Variants in ADAM28 observed in about 807,000 individuals in gnomAD.
ADAM28 encodes the protein disintegrin and metalloproteinase domain-containing protein 28.
ADAM28 carries 105 observed loss-of-function variants against 101.2 expected under a neutral mutation model. The ratio of observed to expected loss-of-function variants is 1.04; its 90% CI spans 0.89 to 1.22. ADAM28 has a LOEUF of 1.22. Ranked by LOEUF, ADAM28 falls within the 50% of genes most tolerant of loss-of-function variation. The pLI, the probability that ADAM28 is intolerant of heterozygous loss-of-function variation, is 0.00. For missense variants in ADAM28, 1,028 were observed against 945.4 expected (o/e 1.09, Z -1.15); for synonymous variants, 322 against 310.6 (o/e 1.04, Z -0.39).
intron 2 of ADAM28, among the ~76,000 whole-genome samples, chr8:24,301,493 G>C (rs773013608): frequency 1.1e-4 from 16 of 151,940 alleles, no homozygotes; most frequent in Non-Finnish European, 2.2e-4. Flanking sequence ...AAAAAAATAA[G>C]GATTTTTAAT....
intron 12 of ADAM28, 121 bp downstream of exon 12, chr8:24,331,448 C>A: frequency 1.0e-6 from 1 of 961,238 alleles, no homozygotes. Flanking sequence ...TTGGGTACGC[C>A]CATTTGTAGG....
chr8:24,345,589 T>G (rs1815312091), intron 18 of ADAM28, among the ~76,000 whole-genome samples: 1 of 152,044 alleles, frequency 6.6e-6, no homozygotes, highest in African/African-American at 2.4e-5. Flanking sequence ...CAGTCTATAT[T>G]TTAATTGCAT....
At chr8:24,336,981 A>C (rs1022505500) in intron 14 of ADAM28, among the ~76,000 whole-genome samples, 5 of 152,210 alleles carry the variant, frequency 3.3e-5, no homozygotes, top group Non-Finnish European at 7.3e-5. Context: ...GAAACTTTTC[A>C]TAATTCCTGA....
intron 10 of ADAM28, among the ~76,000 whole-genome samples, chr8:24,326,956 G>A (rs570092588): frequency 7.9e-5 from 12 of 152,126 alleles, no homozygotes; most frequent in African/African-American, 2.9e-4. Context: ...ATGGGCAAAA[G>A]CTAGAAGCAT....
At chr8:24,300,165 G>T in intron 2 of ADAM28, 88 bp downstream of exon 2, 1 of 1,092,504 alleles carries the variant, frequency 9.2e-7, no homozygotes. Flanking sequence ...AGATAGATAT[G>T]GGATTTATAC....
In ADAM28 at chr8:24,310,192, C is replaced by T; in HGVS notation, c.257C>T (p.Thr86Ile). Residue 86 changes from threonine (T) to isoleucine (I), a missense_variant, in exon 4 of 23, where the codon ACA becomes ATA. By Grantham distance (89) the Thr-to-Ile change is moderately conservative. Transcript: ENST00000265769. ...CTCCTTGCACCAGGCTACACGGAAA[C>T]ATATTATAATTCCACTGGAAAGGAG... ...KNLLAPGYTE[T>I]YYNSTGKEIT... 2 of 1,613,448 alleles carry T rather than the reference C, an allele frequency of 1.2e-6. No homozygotes were observed. The highest frequency in any genetic ancestry group is 1.7e-5 in the Admixed American group (1 of 59,912).
At chr8:24,351,638 A>G in intron 20 of ADAM28, 1 of 471,864 alleles carries the variant, frequency 2.1e-6, no homozygotes, top group Admixed American at 3.6e-5. Flanking sequence ...GCAAATTGAC[A>G]AAATAGATAC....
chr8:24,354,394 CA>C lies in ADAM28; in HGVS notation c.2322del (p.Ala775HisfsTer48). The C allele has an allele frequency of 1.2e-6, 2 of 1,600,404 alleles. No individual in the cohort carries two copies. The highest frequency in any genetic ancestry group is 1.1e-5 in the South Asian group (1 of 88,678). On this transcript the variant is annotated frameshift_variant, in exon 23 of 23. Coordinates refer to ENST00000265769, the MANE Select transcript of ADAM28 (RefSeq NM_014265.6). LOFTEE classifies it high-confidence loss of function. ...NPVSTPKDSN[P>X]KA Reference sequence around the variant, plus strand: ...TTATGTCTTTTTTAGGACTCAAATCCAAAAGCATGAAGCAACAGCTAAGCAA... The same window carrying C: ...TTATGTCTTTTTTAGGACTCAAATCCAAAGCATGAAGCAACAGCTAAGCAA...
chr8:24,313,093 A>C (rs1272542789), intron 5 of ADAM28, among the ~76,000 whole-genome samples: 1 of 152,208 alleles, frequency 6.6e-6, no homozygotes, highest in African/African-American at 2.4e-5. Context: ...AATTGGAAGA[A>C]TGCTGTACCA....
At chr8:24,305,710 T>A (rs1016489131) in intron 2 of ADAM28, among the ~76,000 whole-genome samples, 7 of 152,170 alleles carry the variant, frequency 4.6e-5, no homozygotes, top group Admixed American at 2.0e-4. Context: ...GGAAAATCTT[T>A]TATTTTTTTA....
intron 20 of ADAM28, 136 bp downstream of exon 20, chr8:24,351,446 TTTTG>T: frequency 2.1e-6 from 2 of 955,534 alleles, no homozygotes; most frequent in Non-Finnish European, 3.3e-6. Flanking sequence ...CTCCTTTGCC[TTTTG>T]TTAAAGGCAA....
chr8:24,306,006 G>T lies in ADAM28; in HGVS notation c.151-3888G>T, dbSNP rs114956792. Among the ~76,000 whole-genome samples, 70 of 152,144 alleles carry T rather than the reference G, an allele frequency of 4.6e-4. 1 individual carries two copies. The Middle Eastern group carries it at 0.024, about 52-fold the overall frequency. On this transcript the variant is annotated intron_variant, in intron 2 of 22. Transcript: ENST00000265769. Reference sequence around the variant, plus strand: ...GGAGATATCAAAAACCGCATGACAGGGTTGCCAGATGAAATACAGAGTACC... The same window carrying T: ...GGAGATATCAAAAACCGCATGACAGTGTTGCCAGATGAAATACAGAGTACC...
At chr8:24,343,297 T>A (rs1486498278) in intron 17 of ADAM28, 116 bp downstream of exon 17, 1 of 1,316,384 alleles carries the variant, frequency 7.6e-7, no homozygotes, top group African/African-American at 1.5e-5. Context: ...ACTAAGTTTA[T>A]CCAAGCCTTC....
intron 15 of ADAM28, 23 bp downstream of exon 15, chr8:24,339,591 T>C (rs1416440885): frequency 1.9e-6 from 3 of 1,579,686 alleles, no homozygotes; most frequent in African/African-American, 1.4e-5. Flanking sequence ...GTCTGAACCT[T>C]CCTGCTTCAC....
intron 13 of ADAM28, among the ~76,000 whole-genome samples, chr8:24,335,109 G>C (rs1813844435): frequency 6.6e-6 from 1 of 151,730 alleles, no homozygotes. Context: ...GTTCCTGACA[G>C]AGATGCATCC....
chr8:24,321,756 C>A (rs1811912043), intron 8 of ADAM28, among the ~76,000 whole-genome samples: 2 of 151,868 alleles, frequency 1.3e-5, no homozygotes, highest in African/African-American at 4.8e-5. Flanking sequence ...AAGAACTTAC[C>A]CAAGATCACA....
chr8:24,352,751 TGGGTG>T (rs771135162), intron 21 of ADAM28, among the ~76,000 whole-genome samples: 10 of 152,192 alleles, frequency 6.6e-5, no homozygotes, highest in Non-Finnish European at 1.5e-4. Context: ...AATATTCTCA[TGGGTG>T]GGGTCATGGC....
chr8:24,307,610 T>C (rs1368511809), intron 2 of ADAM28, among the ~76,000 whole-genome samples: 1 of 152,202 alleles, frequency 6.6e-6, no homozygotes, highest in Non-Finnish European at 1.5e-5. Context: ...AGTAAACTAA[T>C]GGACAAATGA....
At chr8:24,332,313 A>G (rs1157973689) in intron 12 of ADAM28, among the ~76,000 whole-genome samples, 3 of 152,238 alleles carry the variant, frequency 2.0e-5, no homozygotes, top group Admixed American at 1.3e-4. Context: ...AGATATGTAC[A>G]TAACTGATGA....
Sources: allele counts gnomAD v4.1 joint callset (sites outside exome capture counted in the v4.1 genomes callset), GRCh38; gene constraint gnomAD v4.1.1; transcripts MANE v1.5; gene names NCBI Gene and HGNC (gene_info 2026-07-23, HGNC 2026-07-21).